The following SLC25A15 variants were observed in gnomAD, a reference collection of about 807,000 sequenced individuals.
The protein encoded by SLC25A15 is solute carrier family 25 member 15.
SLC25A15 carries 24 observed loss-of-function variants against 32.3 expected under a neutral mutation model. The observed-to-expected ratio is 0.74, with a 90% CI of 0.54 to 1.04. SLC25A15 has a LOEUF of 1.04. Ranked by LOEUF, SLC25A15 falls within the 50% of genes least tolerant of loss-of-function variation. SLC25A15 has a pLI of 0.00. For synonymous variants in SLC25A15, 132 were observed against 142.1 expected, an observed-to-expected ratio of 0.93 and a Z score of 0.51; for missense variants, 317 against 374.5, an observed-to-expected ratio of 0.85 and a Z score of 1.27.
Position 40,791,301 on chromosome 13 carries a change from T to TTTGA in SLC25A15, c.-70+1640_-70+1641insGATT, listed in dbSNP as rs1881485561. Among the ~76,000 whole-genome samples the TTTGA allele has an allele frequency of 2.1e-5, 3 of 140,650 alleles. No individual in the cohort carries two copies. The Admixed American group carries it at 2.2e-4, about 10-fold the overall frequency. 92.3% of individuals were successfully genotyped at this position (140,650 alleles called of 152,430 possible). ...GAAAGGATTAGGACCCTGATAAACT[T>TTTGA]TTTATTTATTTATTTATTTATTTAT... On this transcript the variant is annotated intron_variant, in intron 1 of 6. Coordinates refer to ENST00000338625, the MANE Select transcript of SLC25A15 (RefSeq NM_014252.4).
rs569263375 is a variant in SLC25A15 at position 40,812,393 on chromosome 13, A to C, written c.*2726A>C. Among the ~76,000 whole-genome samples, 15 of 152,346 alleles carry C rather than the reference A, an allele frequency of 9.8e-5. No homozygotes were observed. The South Asian group carries it at 3.1e-3, about 32-fold the overall frequency. ...TATTTCATATCTGTACTCCAGGCAG[A>C]AATATAACTTGAAAATACTGTGTCT... On this transcript the variant is annotated 3_prime_UTR_variant, in exon 7 of 7. Coordinates refer to ENST00000338625, the MANE Select transcript of SLC25A15 (RefSeq NM_014252.4).
At chr13:40,804,331 A>C (rs1882049502) in intron 3 of SLC25A15, among the ~76,000 whole-genome samples, 1 of 152,110 alleles carries the variant, frequency 6.6e-6, no homozygotes, top group South Asian at 2.1e-4. Flanking sequence ...AATTCAGTCC[A>C]TAGCGCTGTG....
At chr13:40,790,703 T>G (rs1421803842) in intron 1 of SLC25A15, among the ~76,000 whole-genome samples, 5 of 152,226 alleles carry the variant, frequency 3.3e-5, no homozygotes, top group Non-Finnish European at 7.3e-5. Flanking sequence ...TTCTCCTCCC[T>G]CAGCCTCCCG....
chr13:40,797,287 C>T (rs17061570), intron 2 of SLC25A15, among the ~76,000 whole-genome samples: 12,777 of 152,148 alleles, frequency 0.084, 589 homozygotes, highest in Middle Eastern at 0.099. Context: ...ATTCTAGTAA[C>T]CTGTGATGCC....
At chr13:40,796,076 G>A (rs1319867052) in intron 2 of SLC25A15, among the ~76,000 whole-genome samples, 2 of 152,160 alleles carry the variant, frequency 1.3e-5, no homozygotes, top group African/African-American at 2.4e-5. Context: ...GGAATTTTCT[G>A]CCAGCCATTG....
chr13:40,796,606 T>C (rs1237112209), intron 2 of SLC25A15, among the ~76,000 whole-genome samples: 2 of 152,226 alleles, frequency 1.3e-5, no homozygotes, highest in Non-Finnish European at 2.9e-5. Context: ...CCTTTTTTGA[T>C]TGGAGTTTCT....
rs1881936591 is a variant in SLC25A15, at chr13:40,802,577, G to A, written c.315-2541G>A. On this transcript the variant is annotated intron_variant, in intron 3 of 6. Coordinates refer to ENST00000338625, the MANE Select transcript of SLC25A15 (RefSeq NM_014252.4). ...CCCTGAATATGGTAAGTCCATCTGT[G>A]CTTTTTTTTTTTTTTTGAGACGGAG... 2.7e-5 allele frequency among the ~76,000 whole-genome samples: 4 copies of A among 147,852 alleles called. No homozygotes were observed. The South Asian group carries it at 8.5e-4, about 31-fold the overall frequency.
chr13:40,803,243 C>T (rs557948474), intron 3 of SLC25A15, among the ~76,000 whole-genome samples: 2 of 149,214 alleles, frequency 1.3e-5, no homozygotes, highest in Admixed American at 1.3e-4. Flanking sequence ...TTGAAAGAGT[C>T]TCACTGTGTC....
chr13:40,809,812 AC>A lies in SLC25A15; in HGVS notation c.*146del. 1 of 766,976 alleles carries A rather than the reference AC, an allele frequency of 1.3e-6. No individual in the cohort carries two copies. The highest frequency in any genetic ancestry group is 2.6e-5 in the East Asian group (1 of 38,256). 47.5% of individuals were successfully genotyped at this position (766,976 alleles called of 1,614,324 possible). ...TCTTCCCTTCTACCCTACATCTTAAACTTTATGGAAGAACCTCTATTTTGCA... is the reference window on the plus strand; with the variant it reads ...TCTTCCCTTCTACCCTACATCTTAAATTTATGGAAGAACCTCTATTTTGCA... On this transcript the variant is annotated 3_prime_UTR_variant, in exon 7 of 7. Coordinates refer to ENST00000338625, the MANE Select transcript of SLC25A15 (RefSeq NM_014252.4).
At chr13:40,796,934 C>T (rs536559624) in intron 2 of SLC25A15, among the ~76,000 whole-genome samples, 34 of 152,240 alleles carry the variant, frequency 2.2e-4, no homozygotes, top group Admixed American at 8.5e-4. Context: ...ACCATATCGC[C>T]GAAAGAATGT....
At chr13:40,793,365 AT>A in intron 2 of SLC25A15, 84 bp downstream of exon 2, 1 of 1,155,554 alleles carries the variant, frequency 8.7e-7, no homozygotes, top group East Asian at 2.4e-5. Context: ...ATACTACCAT[AT>A]TTTTACTGTA....
chr13:40,798,279 CAA>C (rs5803069), intron 2 of SLC25A15, among the ~76,000 whole-genome samples: 16 of 123,242 alleles, frequency 1.3e-4, no homozygotes, highest in African/African-American at 2.4e-4. Flanking sequence ...GACACCATCT[CAA>C]AAAAAAAAAA....
chr13:40,799,106 G>A lies in SLC25A15; in HGVS notation c.105G>A (p.Val35=), dbSNP rs1206882399. The stretch of plus-strand genomic sequence containing the variant: ...GGCAGCCCTTTGACACAATGAAAGT[G>A]AAGATGCAGACGTTCCCTGACCTGT... ...LTGQPFDTMK[V]KMQTFPDLYR... is the part of the protein sequence containing the mutation. Residue 35 remains valine, a synonymous_variant, in exon 3 of 7, where the codon GTG becomes GTA. Coordinates refer to ENST00000338625, the MANE Select transcript of SLC25A15 (RefSeq NM_014252.4). 3 of 1,614,064 alleles carry A rather than the reference G, an allele frequency of 1.9e-6. No individual in the cohort carries two copies. Among genetic ancestry groups the A allele is most frequent in the Non-Finnish European group, 2.5e-6 (3 of 1,180,028 alleles).
In SLC25A15 at chr13:40,793,394, T is replaced by TA. The variant is rs1881576998; in HGVS notation, c.55+114dup. 5.6e-6 allele frequency: 5 copies of TA among 885,464 alleles called. No homozygotes were observed. In the East Asian group the frequency reaches 1.3e-4, roughly 24 times the overall value. The allele number at this position is 885,464 out of a possible 1,614,324, so 54.9% of individuals were successfully genotyped here. On this transcript the variant is annotated intron_variant, in intron 2 of 6. Transcript: ENST00000338625. ...TTACTGTACCTTTTCTGTGTTTAGA[T>TA]ACATTTAGATACATAAATACCACTG...
At chr13:40,796,579 T>C (rs1477472080) in intron 2 of SLC25A15, among the ~76,000 whole-genome samples, 2 of 152,200 alleles carry the variant, frequency 1.3e-5, no homozygotes, top group Non-Finnish European at 2.9e-5. Context: ...AATGCCAAAA[T>C]TAAAAACAAC....
chr13:40,807,421 A>G lies in SLC25A15; in HGVS notation c.580A>G (p.Ser194Gly), dbSNP rs781425166. ...YFFFFGGYEL[S>G]RSFFASGRSK... ...CTTCTTCTTCGGTGGCTATGAACTGAGCCGGTCCTTTTTTGCATCAGGGAG... is the reference window on the plus strand; with the variant it reads ...CTTCTTCTTCGGTGGCTATGAACTGGGCCGGTCCTTTTTTGCATCAGGGAG... The change falls in exon 5 of 7, where the codon AGC becomes GGC. Residue 194 changes from serine to glycine, a missense_variant. Transcript: ENST00000338625. The G allele has an allele frequency of 6.2e-7, 1 of 1,614,102 alleles. No individual in the cohort carries two copies. The highest frequency in any genetic ancestry group is 2.2e-5 in the East Asian group (1 of 44,884).
chr13:40,804,875 G>A (rs1052669242), intron 3 of SLC25A15, among the ~76,000 whole-genome samples: 4 of 151,942 alleles, frequency 2.6e-5, no homozygotes, highest in Admixed American at 1.3e-4. Context: ...TAGACATGGA[G>A]GTCTCTCTTT....
At chr13:40,808,885 A>C (rs1269052968) in intron 6 of SLC25A15, among the ~76,000 whole-genome samples, 15 of 144,880 alleles carry the variant, frequency 1.0e-4, no homozygotes, top group Non-Finnish European at 1.2e-4. Context: ...CAGTGAGCTG[A>C]GATTGCACCA....
At chr13:40,791,596 T>G (rs1226846312) in intron 1 of SLC25A15, among the ~76,000 whole-genome samples, 1 of 151,880 alleles carries the variant, frequency 6.6e-6, no homozygotes, top group Non-Finnish European at 1.5e-5. Flanking sequence ...GACCTCGTGA[T>G]CCTCCCACCT....
Sources: gnomAD v4.1 joint callset for allele counts (sites outside exome capture counted in the v4.1 genomes callset) on GRCh38, gnomAD v4.1.1 for gene constraint, MANE v1.5 for transcripts, NCBI Gene and HGNC (gene_info 2026-07-23, HGNC 2026-07-21) for gene names.